Variants in PRKG1 observed in about 807,000 individuals in gnomAD.
PRKG1 encodes the protein protein kinase cGMP-dependent 1.
In PRKG1, 35 loss-of-function variants were observed where a neutral mutation model predicts 88.1. The ratio of observed to expected loss-of-function variants is 0.40; its 90% confidence interval spans 0.30 to 0.53. PRKG1 has a LOEUF of 0.53. Ranked by LOEUF, PRKG1 falls within the 20% of genes least tolerant of loss-of-function variation. PRKG1 has a pLI of 0.59. For missense variants in PRKG1, 540 were observed against 839.8 expected, an observed-to-expected ratio of 0.64 and a Z score of 4.41; for synonymous variants, 303 against 292.5, an observed-to-expected ratio of 1.04 and a Z score of -0.37.
intron 3 of PRKG1, among the ~76,000 whole-genome samples, chr10:51,515,689 A>G (rs561039643): frequency 1.0e-3 from 153 of 152,130 alleles, no homozygotes; most frequent in Non-Finnish European, 1.3e-3. Context: ...TTCACACACA[A>G]TGAGTACCCA....
intron 3 of PRKG1, among the ~76,000 whole-genome samples, chr10:51,608,776 A>G (rs1479900426): frequency 1.3e-5 from 2 of 152,188 alleles, no homozygotes; most frequent in African/African-American, 4.8e-5. Context: ...TAGTGCCATA[A>G]CATTATAATA....
chr10:51,799,252 C>T (rs1309887365), intron 3 of PRKG1, among the ~76,000 whole-genome samples: 2 of 151,974 alleles, frequency 1.3e-5, no homozygotes, highest in African/African-American at 4.8e-5. Context: ...TCCGTGCCCC[C>T]CTCTTCATTG....
chr10:51,051,957 A>G (rs1198707020), intron 1 of PRKG1, among the ~76,000 whole-genome samples: 1 of 152,178 alleles, frequency 6.6e-6, no homozygotes, highest in African/African-American at 2.4e-5. Context: ...ATACTTTGAT[A>G]AATAAAAATT....
intron 6 of PRKG1, 120 bp from the exon 7 acceptor site, chr10:52,062,417 T>C (rs1846257935): frequency 8.6e-6 from 5 of 581,646 alleles, no homozygotes; most frequent in South Asian, 4.1e-5. Flanking sequence ...GTAATTTAAA[T>C]GCTTTTTCTT....
In PRKG1 at chr10:51,732,523, G is replaced by A. The variant is rs145751883; in HGVS notation, c.593-72062G>A. Among the ~76,000 whole-genome samples the A allele has an allele frequency of 1.6e-3, 245 of 152,248 alleles. 1 individual carries two copies. The highest frequency in any genetic ancestry group is 5.3e-3 in the African/African-American group (219 of 41,552). ...AGAGAGGTATACAGAGAGCAAGAACGGTGAGATTCAAGAAAGTGAAATTCT... is the reference window on the plus strand; with the variant it reads ...AGAGAGGTATACAGAGAGCAAGAACAGTGAGATTCAAGAAAGTGAAATTCT... On this transcript the variant is annotated intron_variant, in intron 3 of 17. Transcript: ENST00000373980.
intron 3 of PRKG1, among the ~76,000 whole-genome samples, chr10:51,795,197 G>A (rs570955623): frequency 3.9e-5 from 6 of 152,142 alleles, no homozygotes; most frequent in South Asian, 2.1e-4. Context: ...AAGGTATGAC[G>A]TCAAACAGAA....
intron 3 of PRKG1, among the ~76,000 whole-genome samples, chr10:51,498,986 T>C (rs568696799): frequency 9.9e-5 from 15 of 152,172 alleles, no homozygotes; most frequent in African/African-American, 3.4e-4. Context: ...TGACCTGTCT[T>C]AGAGGAAACT....
chr10:52,293,148 A>G lies in PRKG1; in HGVS notation c.1963-654A>G, dbSNP rs1408055028. ...AAACAGAGAGCCAAATCATGAGTGAACTCCCATTCACAATTGCTTCAAAGA... is the reference window on the plus strand; with the variant it reads ...AAACAGAGAGCCAAATCATGAGTGAGCTCCCATTCACAATTGCTTCAAAGA... On this transcript the variant is annotated intron_variant, in intron 17 of 17. Coordinates refer to ENST00000373980, the MANE Select transcript of PRKG1 (RefSeq NM_006258.4). Among the ~76,000 whole-genome samples, 6 of 149,796 alleles carry G rather than the reference A, an allele frequency of 4.0e-5. No homozygotes were observed. The South Asian group carries it at 1.1e-3, about 27-fold the overall frequency.
intron 5 of PRKG1, 40 bp from the exon 6 acceptor site, chr10:52,054,444 T>A (rs547015369): frequency 2.0e-6 from 3 of 1,502,664 alleles, no homozygotes; most frequent in Non-Finnish European, 1.8e-6. Flanking sequence ...GGTAACTTAC[T>A]GCTTGCTTAA....
At position 51,535,810 on chromosome 10, in the gene PRKG1, G is replaced by C. The variant is rs561223548; in HGVS notation, c.592+67974G>C. Among the ~76,000 whole-genome samples the C allele has an allele frequency of 5.7e-3, 850 of 149,474 alleles. 7 individuals are homozygous for C. The highest frequency in any genetic ancestry group is 0.02 in the African/African-American group (814 of 40,472). On this transcript the variant is annotated intron_variant, in intron 3 of 17. Coordinates refer to ENST00000373980, the MANE Select transcript of PRKG1 (RefSeq NM_006258.4). ...CACGATATCAGCTCACTGCAACTCC[G>C]CCTCCCGGTTCAAGCAATTCTCCTG...
chr10:51,998,605 A>AT (rs1403044537), intron 5 of PRKG1, among the ~76,000 whole-genome samples: 2 of 151,992 alleles, frequency 1.3e-5, no homozygotes, highest in East Asian at 1.9e-4. Flanking sequence ...TATATTATTT[A>AT]TTTTTTTCAA....
At chr10:51,430,618 T>TA (rs1838734430) in intron 2 of PRKG1, among the ~76,000 whole-genome samples, 1 of 151,984 alleles carries the variant, frequency 6.6e-6, no homozygotes, top group Admixed American at 6.6e-5. Context: ...CTACATGAAA[T>TA]AAAAACATAT....
Position 52,280,928 on chromosome 10 carries a change from C to T in PRKG1, c.1543C>T (p.Leu515=), listed in dbSNP as rs778332051. 3 of 1,612,892 alleles carry T rather than the reference C, an allele frequency of 1.9e-6. No individual in the cohort carries two copies. Among genetic ancestry groups the T allele is most frequent in the Non-Finnish European group, 2.5e-6 (3 of 1,179,330 alleles). ...LILDHRGYAK[L]VDFGFAKKIG... ...CCTAGATCACCGAGGTTATGCCAAA[C>T]TGGTCAGTGCATTTCATACGTGCTT... The change falls in exon 13 of 18, where the codon CTG becomes TTG. Residue 515 remains leucine (L), a splice_region_variant and synonymous_variant. Transcript: ENST00000373980.
intron 2 of PRKG1, among the ~76,000 whole-genome samples, chr10:51,303,979 C>T (rs1335963148): frequency 2.0e-5 from 3 of 151,956 alleles, no homozygotes; most frequent in Non-Finnish European, 4.4e-5. Context: ...ACCACCATGC[C>T]CAGTTAATTT....
chr10:51,302,772 AG>A, intron 2 of PRKG1: 1 of 152,310 alleles, frequency 6.6e-6, no homozygotes, highest in Non-Finnish European at 1.5e-5. Flanking sequence ...TCTTCCAAGC[AG>A]GAAAAGATTA....
At position 51,534,397 on chromosome 10, in the gene PRKG1, G is replaced by A. The variant is rs555068183; in HGVS notation, c.592+66561G>A. 2.0e-5 allele frequency among the ~76,000 whole-genome samples: 3 copies of A among 152,014 alleles called. No homozygotes were observed. The South Asian group carries it at 6.2e-4, about 32-fold the overall frequency. On this transcript the variant is annotated intron_variant, in intron 3 of 17. Transcript: ENST00000373980. ...TGAAAGGCGGCTCTGGGCTGGGCGC[G>A]GTGGCTCACACCTGTAATCCCAGCA...
intron 3 of PRKG1, among the ~76,000 whole-genome samples, chr10:51,501,683 C>T (rs1841027303): frequency 6.6e-6 from 1 of 151,950 alleles, no homozygotes; most frequent in African/African-American, 2.4e-5. Flanking sequence ...GCTTGGCATT[C>T]CTTTAGAACT....
intron 1 of PRKG1, among the ~76,000 whole-genome samples, chr10:51,015,611 G>T (rs1843047602): frequency 6.6e-6 from 1 of 152,356 alleles, no homozygotes; most frequent in East Asian, 1.9e-4. Context: ...AGGAGGCTGG[G>T]CTTGGTAGCT....
chr10:51,998,223 TG>T (rs552682136), intron 5 of PRKG1, among the ~76,000 whole-genome samples: 2 of 152,210 alleles, frequency 1.3e-5, no homozygotes, highest in East Asian at 1.9e-4. Context: ...TGTTTTGCTT[TG>T]TTTTTTTCAT....
Sources: gnomAD v4.1 joint callset for allele counts (sites outside exome capture counted in the v4.1 genomes callset) on GRCh38, gnomAD v4.1.1 for gene constraint, MANE v1.5 for transcripts, NCBI Gene and HGNC (gene_info 2026-07-23, HGNC 2026-07-21) for gene names.